ELP2: variants seen among roughly 807,000 people sequenced by gnomAD.
ELP2 encodes the protein elongator complex protein 2.
In ELP2, 90 loss-of-function variants were observed where a neutral mutation model predicts 119.2. That is an observed-to-expected ratio of 0.75 (90% CI 0.64 to 0.90). ELP2 has a LOEUF of 0.90. Among genes scored for constraint, ELP2 ranks in the 40% least tolerant of loss-of-function variants. The probability of loss-of-function intolerance (pLI) is 0.00; values close to 1 mark genes in which losing one functional copy is unlikely to be tolerated. For synonymous variants in ELP2, 339 were observed against 331.0 expected, an observed-to-expected ratio of 1.02 and a Z score of -0.26; for missense variants, 921 against 967.8, an observed-to-expected ratio of 0.95 and a Z score of 0.64.
chr18:36,169,388 CTTTT>C (rs34958735), intron 19 of ELP2, among the ~76,000 whole-genome samples: 1 of 140,624 alleles, frequency 7.1e-6, no homozygotes, highest in African/African-American at 2.6e-5. Context: ...CTGATAAGTT[CTTTT>C]TTTTTTTTTT....
chr18:36,162,079 A>T lies in ELP2; in HGVS notation c.1761+1075A>T, dbSNP rs543316487. Among the ~76,000 whole-genome samples the T allele has an allele frequency of 4.0e-4, 61 of 152,160 alleles. 1 individual carries two copies. The highest frequency in any genetic ancestry group is 6.8e-4 in the Non-Finnish European group (46 of 68,038). On this transcript the variant is annotated intron_variant, in intron 17 of 21. Coordinates refer to ENST00000358232, the MANE Select transcript of ELP2 (RefSeq NM_018255.4). The stretch of plus-strand genomic sequence containing the variant: ...GGGTTATTAACATACTATAAATGGT[A>T]TGTTTAATGTGAACAATTTGATAAG...
At chr18:36,152,949 C>T (rs2090449990) in intron 11 of ELP2, among the ~76,000 whole-genome samples, 1 of 152,194 alleles carries the variant, frequency 6.6e-6, no homozygotes, top group African/African-American at 2.4e-5. Flanking sequence ...GCCCTTCCCC[C>T]ACATTGACTA....
Position 36,138,889 on chromosome 18 carries a change from G to A in ELP2, c.523+17G>A, listed in dbSNP as rs763001592. ...ATACTGATGGTGAGTATCCTGTTAA[G>A]TATATGTTAAAAGGGCAGTATATTT... On this transcript the variant is annotated intron_variant, in intron 5 of 21. Coordinates refer to ENST00000358232, the MANE Select transcript of ELP2 (RefSeq NM_018255.4). 1.3e-6 allele frequency: 2 copies of A among 1,593,044 alleles called. No homozygotes were observed. The highest frequency in any genetic ancestry group is 1.3e-5 in the African/African-American group (1 of 74,528).
chr18:36,142,079 C>T (rs2090049839), intron 6 of ELP2, among the ~76,000 whole-genome samples: 1 of 152,120 alleles, frequency 6.6e-6, no homozygotes, highest in South Asian at 2.1e-4. Flanking sequence ...ATTATATTAT[C>T]TACTCAGAGG....
At chr18:36,145,690 G>T (rs2090174799) in intron 9 of ELP2, among the ~76,000 whole-genome samples, 1 of 152,166 alleles carries the variant, frequency 6.6e-6, no homozygotes, top group African/African-American at 2.4e-5. Flanking sequence ...ACCGTGTTTT[G>T]GAGCTGTATC....
In ELP2 at chr18:36,161,830, C is replaced by A. The variant is rs369541174; in HGVS notation, c.1761+826C>A. 1.5e-4 allele frequency among the ~76,000 whole-genome samples: 23 copies of A among 152,224 alleles called. No homozygotes were observed. The East Asian group carries it at 3.9e-3, about 26-fold the overall frequency. On this transcript the variant is annotated intron_variant, in intron 17 of 21. Transcript: ENST00000358232. ...GCTTCCCCTACACCCACCCCTACCC[C>A]ACTTGTTTATTCTTTGAAATGGTAC...
chr18:36,170,003 G>A (rs1334141806), intron 19 of ELP2, 60 bp from the exon 20 acceptor site: 2 of 1,609,986 alleles, frequency 1.2e-6, no homozygotes, highest in Admixed American at 1.7e-5. Context: ...TGAAACTGTA[G>A]TACATGGCTA....
chr18:36,167,325 T>TA, intron 19 of ELP2, 103 bp downstream of exon 19: 1 of 882,048 alleles, frequency 1.1e-6, no homozygotes. Context: ...TTACAGCTTT[T>TA]AAAAATCAGC....
chr18:36,136,335 A>T lies in ELP2; in HGVS notation c.246A>T (p.Gly82=), dbSNP rs780222162. The change falls in exon 3 of 22, where the codon GGA becomes GGT. Residue 82 remains glycine (G), a synonymous_variant. Coordinates refer to ENST00000358232, the MANE Select transcript of ELP2 (RefSeq NM_018255.4). ...GSPSTELVSG[G]SDNQVIHWEI... is the part of the protein sequence containing the mutation. Reference sequence around the variant, plus strand: ...CTTCTACTGAATTAGTTTCTGGAGGATCTGATAATCAAGTGATTCACTGGG... The same window carrying T: ...CTTCTACTGAATTAGTTTCTGGAGGTTCTGATAATCAAGTGATTCACTGGG... 1.2e-6 allele frequency: 2 copies of T among 1,612,014 alleles called. No individual in the cohort carries two copies. The highest frequency in any genetic ancestry group is 3.3e-5 in the Admixed American group (2 of 60,020).
chr18:36,149,307 G>A (rs536264283), intron 11 of ELP2, among the ~76,000 whole-genome samples: 1 of 152,212 alleles, frequency 6.6e-6, no homozygotes, highest in South Asian at 2.1e-4. Context: ...GACAGGATAA[G>A]GTTAGGTAGG....
In ELP2 at chr18:36,170,318, T is replaced by C. The variant is rs2091041451; in HGVS notation, c.2210+122T>C. 4 of 1,317,764 alleles carry C rather than the reference T, an allele frequency of 3.0e-6. No individual in the cohort carries two copies. The African/African-American group carries it at 4.4e-5, about 15-fold the overall frequency. 81.6% of individuals were successfully genotyped at this position (1,317,764 alleles called of 1,614,324 possible). ...AGTTACTGTCTTTTTTTTCTTTTTT[T>C]TTTTTTGTTTTGAGATGGAGTCTCA... On this transcript the variant is annotated intron_variant, in intron 20 of 21. Coordinates refer to ENST00000358232, the MANE Select transcript of ELP2 (RefSeq NM_018255.4).
chr18:36,158,285 A>G (rs1303139214), intron 13 of ELP2, among the ~76,000 whole-genome samples: 1 of 152,226 alleles, frequency 6.6e-6, no homozygotes, highest in East Asian at 1.9e-4. Flanking sequence ...AATTTGATTG[A>G]TATAAATTGC....
Position 36,176,107 on chromosome 18 carries a change from A to G in ELP2, c.*1466A>G, listed in dbSNP as rs1262755463. On this transcript the variant is annotated 3_prime_UTR_variant, in exon 22 of 22. Transcript: ENST00000358232. ...TTTAATACGGTATATCCAAAATATT[A>G]TTATGTCAACCTATAATCAGTATAA... The G allele has an allele frequency of 1.3e-5, 2 of 152,228 alleles. No individual in the cohort carries two copies. The highest frequency in any genetic ancestry group is 3.8e-4 in the East Asian group (2 of 5,204). 9.4% of individuals were successfully genotyped at this position (152,228 alleles called of 1,614,324 possible).
At chr18:36,143,021 G>T in intron 8 of ELP2, 55 bp downstream of exon 8, 7 of 1,350,800 alleles carry the variant, frequency 5.2e-6, no homozygotes, top group East Asian at 2.4e-5. Context: ...CTAGTTGGTT[G>T]ATTTTTTTTT....
rs2091301757 is a variant in ELP2 at position 36,180,040 on chromosome 18, T to C, written c.*5399T>C. 1 of 152,274 alleles carries C rather than the reference T, an allele frequency of 6.6e-6. No homozygotes were observed. The highest frequency in any genetic ancestry group is 2.4e-5 in the African/African-American group (1 of 41,450). 9.4% of individuals were successfully genotyped at this position (152,274 alleles called of 1,614,324 possible). A position where few individuals can be genotyped will look rare whatever the true frequency, so the allele number is the denominator to read the frequency against. On this transcript the variant is annotated 3_prime_UTR_variant, in exon 22 of 22. Transcript: ENST00000358232. ...AAGTTAAAAGTTTATTTCTCTCATA[T>C]GAAAGGAGTCAAGGCAGACAGACCA...
chr18:36,166,319 G>GTTTTTTTTTGTTTT (rs1568022192), intron 18 of ELP2, among the ~76,000 whole-genome samples: 1 of 71,650 alleles, frequency 1.4e-5, no homozygotes, highest in Non-Finnish European at 2.5e-5. Flanking sequence ...GTTTTTTAGG[G>GTTTTTTTTTGTTTT]TTTTTTTTTT....
chr18:36,140,948 G>A (rs1443818101), intron 5 of ELP2, among the ~76,000 whole-genome samples, 189 bp from the exon 6 acceptor site: 1 of 152,208 alleles, frequency 6.6e-6, no homozygotes, highest in Non-Finnish European at 1.5e-5. Flanking sequence ...AGTAACCACT[G>A]AATAGAACGT....
chr18:36,139,668 T>C lies in ELP2; in HGVS notation c.523+796T>C, dbSNP rs2089954548. 9 of 1,437,136 alleles carry C rather than the reference T, an allele frequency of 6.3e-6. 1 individual carries two copies. The South Asian group carries it at 6.9e-5, about 11-fold the overall frequency. The allele number at this position is 1,437,136 out of a possible 1,614,324, so 89.0% of individuals were successfully genotyped here. A position where few individuals can be genotyped will look rare whatever the true frequency, so the allele number is the denominator to read the frequency against. On this transcript the variant is annotated intron_variant, in intron 5 of 21. Transcript: ENST00000358232. ...ATTTTTCTTTTTTCTGTAGTTGATC[T>C]AAAGTAAGAAAATCTTTGAAAAACA...
chr18:36,176,704 A>G lies in ELP2; in HGVS notation c.*2063A>G, dbSNP rs982350981. Reference sequence around the variant, plus strand: ...TCATCTGCTAAAGCACCTTTGAACCATATTGTAATTCATAATATCTGAAGC... The same window carrying G: ...TCATCTGCTAAAGCACCTTTGAACCGTATTGTAATTCATAATATCTGAAGC... On this transcript the variant is annotated 3_prime_UTR_variant, in exon 22 of 22. Coordinates refer to ENST00000358232, the MANE Select transcript of ELP2 (RefSeq NM_018255.4). The G allele has an allele frequency of 1.3e-5, 2 of 152,336 alleles. No homozygotes were observed. Among genetic ancestry groups the G allele is most frequent in the African/African-American group, 4.8e-5 (2 of 41,568 alleles). The allele number at this position is 152,336 out of a possible 1,614,324, so 9.4% of individuals were successfully genotyped here. A position where few individuals can be genotyped will look rare whatever the true frequency, so the allele number is the denominator to read the frequency against.
Sources: allele counts gnomAD v4.1 joint callset (sites outside exome capture counted in the v4.1 genomes callset), GRCh38; gene constraint gnomAD v4.1.1; transcripts MANE v1.5; gene names NCBI Gene and HGNC (gene_info 2026-07-23, HGNC 2026-07-21).